Variants in MBD6 observed in about 807,000 individuals in gnomAD.
The protein encoded by MBD6 is methyl-CpG binding domain protein 6.
In MBD6, 22 loss-of-function variants were observed where a neutral mutation model predicts 66.8. That is an observed-to-expected ratio of 0.33 (90% CI 0.24 to 0.47). MBD6 has a LOEUF of 0.47. Ranked by LOEUF, MBD6 falls within the 20% of genes least tolerant of loss-of-function variation. The pLI, the probability that MBD6 is intolerant of heterozygous loss-of-function variation, is 1.00. For missense variants in MBD6, 1,322 were observed against 1,286.9 expected, an observed-to-expected ratio of 1.03 and a Z score of -0.42; for synonymous variants, 540 against 534.6, an observed-to-expected ratio of 1.01 and a Z score of -0.14.
chr12:57,522,759 A>ACGGCGGCGGCGGCGGCGGCGGCGGCGG (rs765011540), upstream of MBD6: 1 of 153,606 alleles, frequency 6.5e-6, no homozygotes, highest in African/African-American at 2.5e-5. Context: ...TGCGGCAGCG[A>ACGGCGGCGGCGGCGGCGGCGGCGGCGG]CGGCGGCGGC....
At chr12:57,526,531 C>T (rs746894031) in intron 6 of MBD6, 35 bp from the exon 7 acceptor site, 6 of 1,513,582 alleles carry the variant, frequency 4.0e-6, no homozygotes, top group African/African-American at 1.4e-5. Flanking sequence ...GGAGAAAGGG[C>T]CTCCCTTGAG....
At position 57,524,676 on chromosome 12, in the gene MBD6, C is replaced by T. The variant is rs778972489; in HGVS notation, c.114-44C>T. ...TGTGCTTTAGGAGTATTGCCTGATT[C>T]GCTGCCAGCTAACCCCATGTCCTCT... On this transcript the variant is annotated intron_variant, in intron 3 of 12. Coordinates refer to ENST00000355673, the MANE Select transcript of MBD6 (RefSeq NM_052897.4). 10 of 1,567,116 alleles carry T rather than the reference C, an allele frequency of 6.4e-6. No homozygotes were observed. The East Asian group carries it at 6.7e-5, about 11-fold the overall frequency.
chr12:57,524,454 A>G (rs1489048017), intron 3 of MBD6, 38 bp downstream of exon 3: 3 of 1,515,542 alleles, frequency 2.0e-6, no homozygotes, highest in South Asian at 2.5e-5. Context: ...CTGCCACTCC[A>G]GTTGCCCAGG....
rs1371997842 is a variant in MBD6, at chr12:57,525,132, T to C, written c.379+17T>C. ...CTTCTCCTGGTGAGTCTTCTGCCAC[T>C]TTACAGAAGACCGAGGAAAACCTAA... On this transcript the variant is annotated intron_variant, in intron 5 of 12. Transcript: ENST00000355673. The C allele has an allele frequency of 6.3e-7, 1 of 1,599,220 alleles. No homozygotes were observed. The highest frequency in any genetic ancestry group is 1.4e-5 in the African/African-American group (1 of 73,950).
rs576811656 is a variant in MBD6 at position 57,529,180 on chromosome 12, C to A, written c.2958C>A (p.Pro986=). ...ATTAGGCAGCTGTCCCTCTGCCTCC[C>A]CGGGCCCGCCCTGGCCGTCCTGCCA... ...PTARAAVPLP[P]RARPGRPAKN... Residue 986 remains proline, a synonymous_variant, in exon 13 of 13, where the codon CCC becomes CCA. Transcript: ENST00000355673. The A allele has an allele frequency of 1.2e-6, 2 of 1,614,108 alleles. No homozygotes were observed. The highest frequency in any genetic ancestry group is 8.5e-7 in the Non-Finnish European group (1 of 1,180,008).
chr12:57,530,712 G>A (rs374783640), downstream of MBD6: 81 of 1,613,744 alleles, frequency 5.0e-5, no homozygotes, highest in Non-Finnish European at 6.4e-5. Flanking sequence ...TTCTTCATCC[G>A]TTCATCAATG....
chr12:57,522,685 GGGCCCGGCCCC>G (rs1400615183), upstream of MBD6: 4 of 151,778 alleles, frequency 2.6e-5, no homozygotes, highest in Non-Finnish European at 4.4e-5. Context: ...CGCTGGGCGG[GGGCCCGGCCCC>G]GCCCCTCTCC....
rs199762605 is a variant in MBD6 at position 57,527,696 on chromosome 12, G to A, written c.2236+36G>A. 387 of 1,562,112 alleles carry A rather than the reference G, an allele frequency of 2.5e-4. No homozygotes were observed. The African/African-American group carries it at 4.7e-3, about 19-fold the overall frequency. On this transcript the variant is annotated intron_variant, in intron 8 of 12. Coordinates refer to ENST00000355673, the MANE Select transcript of MBD6 (RefSeq NM_052897.4). The stretch of plus-strand genomic sequence containing the variant: ...GGGAGTGTGAATTCACACTCTTGGT[G>A]TGAAAAAGCAGGAGTAAAACTTGGG...
upstream of MBD6, chr12:57,521,898 C>T (rs1158743442): frequency 6.6e-6 from 1 of 152,194 alleles, no homozygotes; most frequent in East Asian, 1.9e-4. Context: ...CGATTTTAGA[C>T]TCAACTCCCC....
chr12:57,525,388 A>G lies in MBD6; in HGVS notation c.420A>G (p.Pro140=). Residue 140 remains proline, a synonymous_variant, in exon 6 of 13, where the codon CCA becomes CCG. Transcript: ENST00000355673. The stretch of plus-strand genomic sequence containing the variant: ...CCCAAATGTTCCACACTGTGTCCCC[A>G]GGGCCCCCCTCTGCCCGCCCTCCCT... ...ASPQMFHTVS[P]GPPSARPPCR... 1.3e-6 allele frequency: 2 copies of G among 1,550,768 alleles called. No homozygotes were observed. Among genetic ancestry groups the G allele is most frequent in the Non-Finnish European group, 1.7e-6 (2 of 1,155,544 alleles).
In MBD6 at chr12:57,525,788, C is replaced by T; in HGVS notation, c.820C>T (p.Pro274Ser). 1.2e-6 allele frequency: 2 copies of T among 1,612,712 alleles called. No individual in the cohort carries two copies. The highest frequency in any genetic ancestry group is 1.7e-6 in the Non-Finnish European group (2 of 1,179,132). The change falls in exon 6 of 13, where the codon CCG becomes TCG. Residue 274 changes from proline to serine, a missense_variant. Physicochemically the swap from Pro to Ser is moderately conservative, Grantham distance 74. Transcript: ENST00000355673. Reference protein sequence around the residue: ...SDALTPPPLPPSNNLPAHPGP... With the variant: ...SDALTPPPLPSSNNLPAHPGP... Reference sequence around the variant, plus strand: ...TGCCTTAACACCCCCTCCCCTGCCCCCGAGCAATAATCTCCCCGCCCACCC... The same window carrying T: ...TGCCTTAACACCCCCTCCCCTGCCCTCGAGCAATAATCTCCCCGCCCACCC...
chr12:57,528,577 G>A lies in MBD6; in HGVS notation c.2820+17G>A. ...GACCTTAAGGTGAGTGCAGAGTGCT[G>A]GTAGTCTGGGCTCAGGGGCTCTGAG... is the stretch of plus-strand genomic sequence containing the variant. On this transcript the variant is annotated intron_variant, in intron 10 of 12. Transcript: ENST00000355673. The A allele has an allele frequency of 6.2e-7, 1 of 1,611,306 alleles. No homozygotes were observed. The highest frequency in any genetic ancestry group is 1.1e-5 in the South Asian group (1 of 90,744).
Position 57,525,063 on chromosome 12 carries a change from T to C in MBD6, c.327T>C (p.Ala109=). ...GCAACCACCGGCGGAAAGCTGTTGC[T>C]ATGGCAACTCTGTACCGCAGCATGG... is the stretch of plus-strand genomic sequence containing the variant. ...KLCNHRRKAV[A]MATLYRSMET... The change falls in exon 5 of 13, where the codon GCT becomes GCC. Residue 109 remains alanine, a synonymous_variant. Coordinates refer to ENST00000355673, the MANE Select transcript of MBD6 (RefSeq NM_052897.4). 6.2e-7 allele frequency: 1 copy of C among 1,613,324 alleles called. No homozygotes were observed. Among genetic ancestry groups the C allele is most frequent in the Non-Finnish European group, 8.5e-7 (1 of 1,179,810 alleles).
downstream of MBD6, chr12:57,530,287 C>T (rs1879529225): frequency 1.2e-5 from 2 of 164,698 alleles, no homozygotes; most frequent in South Asian, 3.9e-4. Context: ...TGCTTCCTCC[C>T]CAGGAAACAC....
Position 57,526,353 on chromosome 12 carries a change from C to G in MBD6, c.1385C>G (p.Pro462Arg), listed in dbSNP as rs774924591. Residue 462 changes from proline to arginine, a missense_variant, in exon 6 of 13, where the codon CCT (proline) becomes CGT (arginine). Physicochemically the swap from Pro to Arg is moderately radical, Grantham distance 103. Coordinates refer to ENST00000355673, the MANE Select transcript of MBD6 (RefSeq NM_052897.4). ...QPRHPIQPSL[P>R]GTTSGSLSSV... ...AGGCACCCCATCCAGCCCTCCCTGCCTGGGACCACCAGTGGCAGCCTCAGC... is the reference window on the plus strand; with the variant it reads ...AGGCACCCCATCCAGCCCTCCCTGCGTGGGACCACCAGTGGCAGCCTCAGC... The G allele has an allele frequency of 1.2e-6, 2 of 1,606,004 alleles. No individual in the cohort carries two copies. Among genetic ancestry groups the G allele is most frequent in the African/African-American group, 1.3e-5 (1 of 74,940 alleles).
In MBD6 at chr12:57,524,836, G is replaced by T. The variant is rs998335282; in HGVS notation, c.216+14G>T. 6.2e-7 allele frequency: 1 copy of T among 1,614,112 alleles called. No individual in the cohort carries two copies. The highest frequency in any genetic ancestry group is 1.7e-5 in the Admixed American group (1 of 60,032). ...AATGTCCCCAAGGTCAGAGTGGTGA[G>T]GGGCGCCTGAGAGTACAGAGATAAG... On this transcript the variant is annotated intron_variant, in intron 4 of 12. Coordinates refer to ENST00000355673, the MANE Select transcript of MBD6 (RefSeq NM_052897.4).
Position 57,529,506 on chromosome 12 carries a change from G to C in MBD6, c.*272G>C. On this transcript the variant is annotated 3_prime_UTR_variant, in exon 13 of 13. Coordinates refer to ENST00000355673, the MANE Select transcript of MBD6 (RefSeq NM_052897.4). ...GTATATGGCCCTTTCCCCACCAGGC[G>C]CTAAGGGGAACACCCCCTTCCCCAG... 5.4e-6 allele frequency: 2 copies of C among 370,338 alleles called. No homozygotes were observed. The highest frequency in any genetic ancestry group is 7.1e-5 in the South Asian group (1 of 14,158). The allele number at this position is 370,338 out of a possible 1,614,324, so 22.9% of individuals were successfully genotyped here. A position where few individuals can be genotyped will look rare whatever the true frequency, so the allele number is the denominator to read the frequency against.
upstream of MBD6, chr12:57,521,062 C>G (rs1176999617): frequency 6.6e-6 from 1 of 152,334 alleles, no homozygotes; most frequent in Non-Finnish European, 1.5e-5. Context: ...TAAGGGACTC[C>G]CATATTTCTT....
chr12:57,530,652 G>C (rs184823853), downstream of MBD6: 97 of 1,555,874 alleles, frequency 6.2e-5, 1 homozygote, highest in African/African-American at 1.2e-3. Context: ...GTTCACAGGG[G>C]TAGGGATAAC....
Sources: allele counts gnomAD v4.1 joint callset, GRCh38; gene constraint gnomAD v4.1.1; transcripts MANE v1.5; gene names NCBI Gene and HGNC (gene_info 2026-07-23, HGNC 2026-07-21).